ERC1: variants seen among roughly 807,000 people sequenced by gnomAD.
ERC1 encodes RAB6 interacting protein 2.
Under a neutral mutation model 132.0 loss-of-function variants are expected in ERC1, and 56 were observed. That is an observed-to-expected ratio of 0.42 (90% CI 0.34 to 0.53). The LOEUF (loss-of-function observed/expected upper bound fraction) is 0.53, where lower values mean the gene tolerates loss of function less well. Among genes scored for constraint, ERC1 ranks in the 20% least tolerant of loss-of-function variants. The pLI is 0.03. For missense variants in ERC1, 1,202 were observed against 1,349.9 expected (o/e 0.89, Z 1.72); for synonymous variants, 478 against 476.1 (o/e 1.00, Z -0.05).
At chr12:1,352,883 T>A (rs1434581472) in intron 15 of ERC1, among the ~76,000 whole-genome samples, 1 of 152,340 alleles carries the variant, frequency 6.6e-6, no homozygotes, top group Non-Finnish European at 1.5e-5. Flanking sequence ...TACTCTAGAA[T>A]AGGACTACTT....
intron 13 of ERC1, among the ~76,000 whole-genome samples, chr12:1,244,076 A>G (rs1274010527): frequency 6.6e-6 from 1 of 152,176 alleles, no homozygotes; most frequent in Non-Finnish European, 1.5e-5. Context: ...AGTTGTGGTG[A>G]GTGAGTAATT....
chr12:1,224,970 C>A (rs1194289591), intron 12 of ERC1, among the ~76,000 whole-genome samples: 1 of 151,514 alleles, frequency 6.6e-6, no homozygotes, highest in Middle Eastern at 3.4e-3. Context: ...GTAAGTGAGA[C>A]CTTGTCTAAA....
rs557304822 is a variant in ERC1 at position 1,432,182 on chromosome 12, CTT to C, written c.3025-12379_3025-12378del. Among the ~76,000 whole-genome samples, 803 of 152,344 alleles carry C rather than the reference CTT, an allele frequency of 5.3e-3. 1 individual carries two copies. Among genetic ancestry groups the C allele is most frequent in the Non-Finnish European group, 9.2e-3 (628 of 68,024 alleles). ...ATACTTAGGCTTTGCAAACTGTGTA[CTT>C]CCTGCCAAAACAATCCACCTCTGCT... is the stretch of plus-strand genomic sequence containing the variant. On this transcript the variant is annotated intron_variant, in intron 17 of 18. Transcript: ENST00000360905.
intron 9 of ERC1, 133 bp downstream of exon 9, chr12:1,180,810 A>T: frequency 9.4e-7 from 1 of 1,066,584 alleles, no homozygotes; most frequent in Non-Finnish European, 1.3e-6. Flanking sequence ...TGACATACGT[A>T]GTGTGAAGGG....
chr12:1,160,310 A>G (rs1453242789), intron 8 of ERC1, among the ~76,000 whole-genome samples: 1 of 152,240 alleles, frequency 6.6e-6, no homozygotes, highest in African/African-American at 2.4e-5. Context: ...ATCCATCACA[A>G]CAATTCTAAA....
At chr12:1,405,178 A>AATAAATAAATAAATAAATAAATAT (rs1566786403) in intron 16 of ERC1, among the ~76,000 whole-genome samples, 2 of 147,084 alleles carry the variant, frequency 1.4e-5, no homozygotes, top group Non-Finnish European at 3.0e-5. Flanking sequence ...TAAATAAATA[A>AATAAATAAATAAATAAATAAATAT]ATATAAATAA....
intron 2 of ERC1, among the ~76,000 whole-genome samples, chr12:1,060,175 C>CTTTTTTTTTTTT (rs563850203): frequency 0.2 from 28,010 of 141,386 alleles, 2,979 homozygotes; most frequent in Non-Finnish European, 0.25. Flanking sequence ...AAGGCCACTT[C>CTTTTTTTTTTTT]TTTTTTTTTT....
At chr12:1,300,070 A>G (rs2080272655) in intron 15 of ERC1, among the ~76,000 whole-genome samples, 1 of 152,180 alleles carries the variant, frequency 6.6e-6, no homozygotes, top group Non-Finnish European at 1.5e-5. Flanking sequence ...AAACTATACT[A>G]CAGGACTACA....
Position 1,110,295 on chromosome 12 carries a change from A to C in ERC1, c.1265A>C (p.Glu422Ala). Reference sequence around the variant, plus strand: ...TTGAGTACTGAGGAAAGGGAAGAAGAAATGAAGCAAATGGAAGTGTATCGG... The same window carrying C: ...TTGAGTACTGAGGAAAGGGAAGAAGCAATGAAGCAAATGGAAGTGTATCGG... ...GALSTEEREE[E>A]MKQMEVYRSH... is the part of the protein sequence containing the mutation. Residue 422 changes from glutamate (E) to alanine (A), a missense_variant, in exon 5 of 19, where the codon GAA (glutamate) becomes GCA (alanine). Transcript: ENST00000360905. 6.2e-7 allele frequency: 1 copy of C among 1,613,648 alleles called. No individual in the cohort carries two copies. The highest frequency in any genetic ancestry group is 8.5e-7 in the Non-Finnish European group (1 of 1,179,732).
At chr12:1,164,531 A>AG (rs11412687) in intron 8 of ERC1, among the ~76,000 whole-genome samples, 148,650 of 151,912 alleles carry the variant, frequency 0.98, 72,695 homozygotes, top group African/African-American at 0.99. Context: ...TTAGTAGAGA[A>AG]GGGTTTCACC....
At chr12:1,018,096 T>A (rs1180215455) in intron 1 of ERC1, among the ~76,000 whole-genome samples, 1 of 152,234 alleles carries the variant, frequency 6.6e-6, no homozygotes, top group Admixed American at 6.5e-5. Context: ...GAACAGTTTT[T>A]TAAAAAATTG....
chr12:1,157,343 A>T (rs1362882788), intron 8 of ERC1, among the ~76,000 whole-genome samples: 1 of 152,238 alleles, frequency 6.6e-6, no homozygotes, highest in Non-Finnish European at 1.5e-5. Context: ...GGGCTCAAGC[A>T]GTCTGCCCTT....
intron 16 of ERC1, among the ~76,000 whole-genome samples, chr12:1,373,155 C>A (rs1298266419): frequency 1.3e-5 from 2 of 152,140 alleles, no homozygotes; most frequent in African/African-American, 4.8e-5. Context: ...TTTTGACTAC[C>A]TGTTATGTAA....
chr12:1,045,362 A>G (rs946785880), intron 2 of ERC1, among the ~76,000 whole-genome samples: 1 of 152,068 alleles, frequency 6.6e-6, no homozygotes, highest in Admixed American at 6.6e-5. Context: ...GTCAGTGAAA[A>G]TGATGTCTTA....
At chr12:1,346,422 C>T (rs972126895) in intron 15 of ERC1, among the ~76,000 whole-genome samples, 3 of 152,178 alleles carry the variant, frequency 2.0e-5, no homozygotes, top group African/African-American at 7.2e-5. Context: ...ACAGTTTTAT[C>T]ACCTCACTTC....
intron 17 of ERC1, among the ~76,000 whole-genome samples, chr12:1,440,275 G>C (rs185394623): frequency 7.0e-6 from 1 of 142,654 alleles, no homozygotes; most frequent in Non-Finnish European, 1.5e-5. Flanking sequence ...TGCCATCTCG[G>C]CTCACTGCAA....
At chr12:1,108,763 A>G (rs929742001) in intron 4 of ERC1, among the ~76,000 whole-genome samples, 2 of 152,154 alleles carry the variant, frequency 1.3e-5, no homozygotes, top group African/African-American at 4.8e-5. Flanking sequence ...TTTTAAGTTT[A>G]ATTTGAATGA....
At chr12:1,354,406 C>T (rs1045219025) in intron 15 of ERC1, among the ~76,000 whole-genome samples, 6 of 151,964 alleles carry the variant, frequency 3.9e-5, no homozygotes, top group African/African-American at 1.5e-4. Context: ...ACCTGTAACA[C>T]CAGCTACTCA....
chr12:1,388,307 G>A (rs563311432), intron 16 of ERC1, among the ~76,000 whole-genome samples: 23 of 139,986 alleles, frequency 1.6e-4, no homozygotes, highest in Admixed American at 3.1e-4. Context: ...CTGAGATTGC[G>A]CCACCGCACT....
Sources: gnomAD v4.1 joint callset for allele counts (sites outside exome capture counted in the v4.1 genomes callset) on GRCh38, gnomAD v4.1.1 for gene constraint, MANE v1.5 for transcripts, NCBI Gene and HGNC (gene_info 2026-07-23, HGNC 2026-07-21) for gene names.